Variants in PCLO observed in about 807,000 individuals in gnomAD.
PCLO encodes piccolo presynaptic cytomatrix protein, also known as protein piccolo.
PCLO carries 82 observed loss-of-function variants against 427.5 expected under a neutral mutation model. That is an observed-to-expected ratio of 0.19 (90% CI 0.16 to 0.23). PCLO has a LOEUF of 0.23. PCLO is among the 10% of genes least tolerant of loss of function. The probability of loss-of-function intolerance (pLI) is 1.00; values close to 1 mark genes in which losing one functional copy is unlikely to be tolerated. For missense variants in PCLO, 6,239 were observed against 6,115.9 expected (o/e 1.02, Z -0.67); for synonymous variants, 2,357 against 2,155.4 (o/e 1.09, Z -2.59).
In PCLO at chr7:82,966,169, C is replaced by T; in HGVS notation, c.3619G>A (p.Ala1207Thr). ...ESKLEKDKASALQEKKPLPEE... is the reference protein window; with the variant it reads ...ESKLEKDKASTLQEKKPLPEE... ...GGGAGTGGCTTTTTTTCTTGAAGAG[C>T]TGAAGCTTTGTCTTTCTCTAGTTTA... The change falls in exon 4 of 25, where the codon GCT (alanine) becomes ACT (threonine). Residue 1207 changes from alanine (A) to threonine (T), a missense_variant. Ala to Thr is a moderately conservative substitution (Grantham distance 58, BLOSUM62 0). This residue lies in a region of PCLO where 4,677 missense variants were observed against 4,468.4 expected (regional missense o/e 1.05). Coordinates refer to ENST00000333891, the MANE Select transcript of PCLO (RefSeq NM_033026.6). 6.2e-7 allele frequency: 1 copy of T among 1,609,952 alleles called. No individual in the cohort carries two copies. The highest frequency in any genetic ancestry group is 8.5e-7 in the Non-Finnish European group (1 of 1,179,024).
At chr7:82,778,063 A>G (rs1216362868) in intron 22 of PCLO, among the ~76,000 whole-genome samples, 1 of 152,176 alleles carries the variant, frequency 6.6e-6, no homozygotes, top group Non-Finnish European at 1.5e-5. Context: ...ACTTAAACAA[A>G]TTACAAGCAA....
At chr7:83,030,119 G>GAAAAAAAAAAAAAAAAAAA (rs199609017) in intron 3 of PCLO, among the ~76,000 whole-genome samples, 2 of 104,586 alleles carry the variant, frequency 1.9e-5, no homozygotes, top group African/African-American at 6.5e-5. Context: ...AATAATAAAA[G>GAAAAAAAAAAAAAAAAAAA]AAAAAAAAAA....
At chr7:83,084,764 T>G (rs1441272919) in intron 3 of PCLO, among the ~76,000 whole-genome samples, 3 of 152,154 alleles carry the variant, frequency 2.0e-5, no homozygotes, top group African/African-American at 7.2e-5. Flanking sequence ...ATCTTCTTCT[T>G]GATCAATTTT....
intron 4 of PCLO, among the ~76,000 whole-genome samples, chr7:82,960,340 C>T (rs574455512): frequency 1.3e-5 from 2 of 152,286 alleles, no homozygotes; most frequent in Admixed American, 1.3e-4. Flanking sequence ...CATCTAAGCA[C>T]TATAATATGG....
At position 82,914,762 on chromosome 7, in the gene PCLO, T is replaced by G; in HGVS notation, c.13224A>C (p.Glu4408Asp). The G allele has an allele frequency of 6.2e-7, 1 of 1,613,466 alleles. No homozygotes were observed. Among genetic ancestry groups the G allele is most frequent in the Non-Finnish European group, 8.5e-7 (1 of 1,179,684 alleles). Residue 4408 changes from glutamate (E) to aspartate (D), a missense_variant, in exon 7 of 25, where the codon GAA becomes GAC. Coordinates refer to ENST00000333891, the MANE Select transcript of PCLO (RefSeq NM_033026.6). ...LPEVQQHMRE[E>D]SRTRGYDRDI... Reference sequence around the variant, plus strand: ...CACGGTCATAGCCTCGAGTCCGTGATTCTTCCCTCATGTGTTGCTGAACTT... The same window carrying G: ...CACGGTCATAGCCTCGAGTCCGTGAGTCTTCCCTCATGTGTTGCTGAACTT...
In PCLO at chr7:82,837,738, T is replaced by A. The variant is rs555541668; in HGVS notation, c.14222+480A>T. Among the ~76,000 whole-genome samples, 10 of 152,098 alleles carry A rather than the reference T, an allele frequency of 6.6e-5. No homozygotes were observed. The South Asian group carries it at 1.9e-3, about 28-fold the overall frequency. On this transcript the variant is annotated intron_variant, in intron 15 of 24. Coordinates refer to ENST00000333891, the MANE Select transcript of PCLO (RefSeq NM_033026.6). ...TATTTTATAATTTTTAAATCAGTGA[T>A]TTGGAAATATGTGTATAAATAAGGA...
intron 10 of PCLO, among the ~76,000 whole-genome samples, chr7:82,849,112 T>G (rs768187477): frequency 6.6e-6 from 1 of 152,162 alleles, no homozygotes; most frequent in Non-Finnish European, 1.5e-5. Context: ...TTGTCACATT[T>G]CTGCAGGAGC....
chr7:82,986,891 G>A (rs1015301736), intron 3 of PCLO, among the ~76,000 whole-genome samples: 26 of 151,816 alleles, frequency 1.7e-4, no homozygotes, highest in Admixed American at 2.6e-4. Context: ...CATTAAATGA[G>A]CCTGTGACAT....
chr7:83,156,521 T>C (rs1423671137), intron 1 of PCLO, 129 bp from the exon 2 acceptor site: 2 of 550,702 alleles, frequency 3.6e-6, no homozygotes, highest in Non-Finnish European at 6.2e-6. Context: ...CTAGAACCCA[T>C]TTTTGTAGCA....
At chr7:82,878,786 C>A (rs893536383) in intron 10 of PCLO, among the ~76,000 whole-genome samples, 5 of 152,194 alleles carry the variant, frequency 3.3e-5, no homozygotes, top group African/African-American at 1.2e-4. Flanking sequence ...AGTTTAGATG[C>A]TGCAGACCAT....
chr7:82,942,710 A>T (rs1795113686), intron 6 of PCLO, among the ~76,000 whole-genome samples: 1 of 152,122 alleles, frequency 6.6e-6, no homozygotes, highest in East Asian at 1.9e-4. Flanking sequence ...AAAATACTTC[A>T]AAATACTTTG....
At chr7:83,150,241 A>G (rs1792095744) in intron 2 of PCLO, among the ~76,000 whole-genome samples, 1 of 152,200 alleles carries the variant, frequency 6.6e-6, no homozygotes, top group Admixed American at 6.5e-5. Flanking sequence ...CCAATTAGAA[A>G]GCAAACGTTC....
chr7:82,891,799 G>A (rs1793773431), intron 9 of PCLO, among the ~76,000 whole-genome samples: 2 of 151,972 alleles, frequency 1.3e-5, no homozygotes, highest in African/African-American at 2.4e-5. Context: ...ATAATCATGT[G>A]GTTTTTGTCG....
At chr7:83,065,246 C>T (rs1254689124) in intron 3 of PCLO, among the ~76,000 whole-genome samples, 1 of 151,900 alleles carries the variant, frequency 6.6e-6, no homozygotes, top group Admixed American at 6.6e-5. Flanking sequence ...TTTTAAAATT[C>T]TTCTGCTTAA....
At chr7:82,924,356 A>C (rs1389618033) in intron 6 of PCLO, among the ~76,000 whole-genome samples, 2 of 152,096 alleles carry the variant, frequency 1.3e-5, no homozygotes. Context: ...AAAAATTCTT[A>C]ACTATTAAAT....
intron 22 of PCLO, among the ~76,000 whole-genome samples, chr7:82,781,242 T>A (rs1790866008): frequency 6.6e-6 from 1 of 151,656 alleles, no homozygotes; most frequent in Admixed American, 6.6e-5. Flanking sequence ...TTTAATTAAA[T>A]ATATTTATTA....
intron 3 of PCLO, among the ~76,000 whole-genome samples, chr7:83,032,973 C>T (rs896057077): frequency 2.0e-5 from 3 of 152,018 alleles, no homozygotes; most frequent in Non-Finnish European, 4.4e-5. Flanking sequence ...GAGGTGATTT[C>T]CTCCATGCTG....
Position 83,135,234 on chromosome 7 carries a change from T to C in PCLO, c.2316A>G (p.Ala772=), listed in dbSNP as rs749495942. The change falls in exon 3 of 25, where the codon GCA becomes GCG. Residue 772 remains alanine (A), a synonymous_variant. Transcript: ENST00000333891. ...PTTDLVSSSS[A]TTKPDIPSSK... ...AGCTTGGAATATCAGGTTTTGTTGT[T>C]GCTGATGATGAAGATACAAGGTCAG... The C allele has an allele frequency of 1.9e-6, 3 of 1,613,934 alleles. No homozygotes were observed. Among genetic ancestry groups the C allele is most frequent in the Non-Finnish European group, 2.5e-6 (3 of 1,179,890 alleles).
intron 6 of PCLO, among the ~76,000 whole-genome samples, chr7:82,929,730 G>A (rs941151465): frequency 2.0e-5 from 3 of 151,958 alleles, no homozygotes; most frequent in African/African-American, 7.3e-5. Context: ...AAATTTCTAG[G>A]AAGTATGTTC....
Sources: gnomAD v4.1 joint callset for allele counts (sites outside exome capture counted in the v4.1 genomes callset) on GRCh38, gnomAD v4.1.1 for gene constraint, gnomAD v4.1.1 regional missense constraint, MANE v1.5 for transcripts, NCBI Gene and HGNC (gene_info 2026-07-23, HGNC 2026-07-21) for gene names.